Variants in NIPA1 observed in about 807,000 individuals in gnomAD.
NIPA1 encodes the protein NIPA magnesium transporter 1.
Under a neutral mutation model 23.9 loss-of-function variants are expected in NIPA1, and 13 were observed. The observed-to-expected ratio is 0.54, with a 90% CI of 0.35 to 0.87. NIPA1 has a LOEUF of 0.87. Ranked by LOEUF, NIPA1 falls within the 40% of genes least tolerant of loss-of-function variation. The probability of loss-of-function intolerance (pLI) is 0.01; values close to 1 mark genes in which losing one functional copy is unlikely to be tolerated. For synonymous variants in NIPA1, 234 were observed against 202.9 expected, an observed-to-expected ratio of 1.15 and a Z score of -1.30; for missense variants, 362 against 429.7, an observed-to-expected ratio of 0.84 and a Z score of 1.39.
chr15:22,812,233 C>T lies in NIPA1; in HGVS notation c.297C>T (p.Gly99=), dbSNP rs527692497. 3.8e-5 allele frequency: 62 copies of T among 1,613,282 alleles called. No individual in the cohort carries two copies. Among genetic ancestry groups the T allele is most frequent in the South Asian group, 8.8e-5 (8 of 91,060 alleles). The change falls in exon 3 of 5, where the codon GGC becomes GGT. Residue 99 remains glycine, a synonymous_variant. Transcript: ENST00000337435. ...CCACGGTCCTGGTAACCCCCCTGGG[C>T]GCCCTTGGAGTACCGTTCGGGTGAG... ...AVPTVLVTPL[G]ALGVPFGSIL...
chr15:22,792,759 G>T (rs912392813), intron 1 of NIPA1, among the ~76,000 whole-genome samples: 2 of 151,912 alleles, frequency 1.3e-5, no homozygotes, highest in Non-Finnish European at 2.9e-5. Flanking sequence ...TTTGAGACCA[G>T]CCTGGCCAGC....
At chr15:22,791,486 TTTTTTTTTTTTTTG>T (rs1894824917) in intron 1 of NIPA1, among the ~76,000 whole-genome samples, 2 of 123,598 alleles carry the variant, frequency 1.6e-5, no homozygotes, top group East Asian at 2.4e-4. Context: ...TTTTTTTTTT[TTTTTTTTTTTTTTG>T]TGAGACGGAG....
At chr15:22,822,063 C>T (rs574332799) in intron 4 of NIPA1, among the ~76,000 whole-genome samples, 27 of 152,230 alleles carry the variant, frequency 1.8e-4, no homozygotes, top group South Asian at 1.0e-3. Context: ...TATAGACTGA[C>T]GTGGGGGTGT....
intron 1 of NIPA1, among the ~76,000 whole-genome samples, chr15:22,796,429 G>C (rs1894939073): frequency 6.6e-6 from 1 of 151,806 alleles, no homozygotes; most frequent in Non-Finnish European, 1.5e-5. Context: ...AATATTTATA[G>C]TATAAATGTA....
chr15:22,823,897 C>G lies in NIPA1; in HGVS notation c.648C>G (p.Ile216Met). ...TKGIGLAAQD[I>M]LHNNPSSQRA... ...GCATCGGGCTGGCGGCCCAAGACATCTTGCATAACAACCCGTCCAGTCAGA... is the reference window on the plus strand; with the variant it reads ...GCATCGGGCTGGCGGCCCAAGACATGTTGCATAACAACCCGTCCAGTCAGA... Residue 216 changes from isoleucine (I) to methionine (M), a missense_variant, in exon 5 of 5, where the codon ATC becomes ATG. Around this residue, in one of 2 missense-constraint regions of NIPA1, gnomAD observed 277 missense variants for 372.0 expected, o/e 0.74. Coordinates refer to ENST00000337435, the MANE Select transcript of NIPA1 (RefSeq NM_144599.5). The G allele has an allele frequency of 1.2e-6, 2 of 1,614,230 alleles. No homozygotes were observed. The highest frequency in any genetic ancestry group is 1.7e-6 in the Non-Finnish European group (2 of 1,180,002).
At position 22,823,938 on chromosome 15, in the gene NIPA1, G is replaced by A; in HGVS notation, c.689G>A (p.Cys230Tyr). ...TCCAGTCAGAGAGCCCTCTGCCTGT[G>A]CCTGGTACTCCTGGCCGTGCTCGGC... ...NPSSQRALCL[C>Y]LVLLAVLGCS... The change falls in exon 5 of 5, where the codon TGC becomes TAC. Residue 230 changes from cysteine to tyrosine, a missense_variant. Cys to Tyr is a radical substitution (Grantham distance 194). Around this residue, in one of 2 missense-constraint regions of NIPA1, gnomAD observed 277 missense variants for 372.0 expected, o/e 0.74. Coordinates refer to ENST00000337435, the MANE Select transcript of NIPA1 (RefSeq NM_144599.5). 1.2e-6 allele frequency: 2 copies of A among 1,614,156 alleles called. No individual in the cohort carries two copies. The highest frequency in any genetic ancestry group is 1.7e-6 in the Non-Finnish European group (2 of 1,180,016).
At chr15:22,786,856 A>T (rs1180278951) in intron 1 of NIPA1, 22 bp downstream of exon 1, 1 of 232,876 alleles carries the variant, frequency 4.3e-6, no homozygotes, top group Non-Finnish European at 7.4e-6. Flanking sequence ...GGCAGGCGGC[A>T]GGCGGCGGGC....
chr15:22,808,570 G>A (rs1224182136), intron 1 of NIPA1, among the ~76,000 whole-genome samples: 1 of 152,046 alleles, frequency 6.6e-6, no homozygotes, highest in Non-Finnish European at 1.5e-5. Context: ...TAATTAATAA[G>A]AAAAACCCAT....
rs112162524 is a variant in NIPA1 at position 22,812,160 on chromosome 15, C to T, written c.227-3C>T. 1 of 1,609,856 alleles carries T rather than the reference C, an allele frequency of 6.2e-7. No individual in the cohort carries two copies. Among genetic ancestry groups the T allele is most frequent in the Non-Finnish European group, 8.5e-7 (1 of 1,176,778 alleles). ...AGTAGTATCCTTGTGATTTTCTTGA[C>T]AGTGGCTGTTGGCCAGATTGGAAAC... is the stretch of plus-strand genomic sequence containing the variant. On this transcript the variant is annotated splice_region_variant and splice_polypyrimidine_tract_variant and intron_variant, in intron 2 of 4. Transcript: ENST00000337435.
intron 1 of NIPA1, among the ~76,000 whole-genome samples, chr15:22,787,381 G>T (rs1455000235): frequency 6.6e-6 from 1 of 152,234 alleles, no homozygotes; most frequent in Non-Finnish European, 1.5e-5. Flanking sequence ...AGGAAGACCC[G>T]GGCGGGCTCT....
chr15:22,801,023 G>A (rs28575257), intron 1 of NIPA1, among the ~76,000 whole-genome samples: 7,202 of 150,828 alleles, frequency 0.048, 706 homozygotes, highest in East Asian at 0.44. Context: ...GCAGGGAGCC[G>A]AGATCATGCC....
At chr15:22,810,077 A>G (rs1895289797) in intron 1 of NIPA1, among the ~76,000 whole-genome samples, 2 of 151,838 alleles carry the variant, frequency 1.3e-5, no homozygotes, top group East Asian at 3.9e-4. Flanking sequence ...GCATTTTGCC[A>G]TATCTGAAGG....
chr15:22,791,500 G>GTT (rs879593367), intron 1 of NIPA1, among the ~76,000 whole-genome samples: 1 of 45,938 alleles, frequency 2.2e-5, no homozygotes, highest in African/African-American at 9.3e-5. Context: ...TTTTTTTTTT[G>GTT]TGAGACGGAG....
intron 1 of NIPA1, among the ~76,000 whole-genome samples, chr15:22,795,120 C>T (rs550508894): frequency 1.4e-4 from 22 of 152,188 alleles, no homozygotes; most frequent in African/African-American, 5.1e-4. Flanking sequence ...TTACTTACGT[C>T]CTACTAAGCA....
rs1895634954 is a variant in NIPA1 at position 22,825,609 on chromosome 15, A to G, written c.*1370A>G. ...ACTTGATAATAAGGCTAAGTGGGAG[A>G]GTACCTGTTCAATAGCTCATATATC... On this transcript the variant is annotated 3_prime_UTR_variant, in exon 5 of 5. Transcript: ENST00000337435. The G allele has an allele frequency of 6.6e-6, 1 of 152,210 alleles. No individual in the cohort carries two copies. The highest frequency in any genetic ancestry group is 2.4e-5 in the African/African-American group (1 of 41,426). 9.4% of individuals were successfully genotyped at this position (152,210 alleles called of 1,614,324 possible).
intron 1 of NIPA1, among the ~76,000 whole-genome samples, chr15:22,799,602 G>A (rs530379728): frequency 1.3e-5 from 2 of 152,142 alleles, no homozygotes; most frequent in South Asian, 2.1e-4. Flanking sequence ...CTAACACGGT[G>A]AAACCCCATC....
chr15:22,812,564 A>G (rs1895340873), intron 3 of NIPA1, among the ~76,000 whole-genome samples: 1 of 151,882 alleles, frequency 6.6e-6, no homozygotes. Context: ...GAGACACAAG[A>G]ATTGCTTGAA....
At chr15:22,793,950 G>A (rs1894888822) in intron 1 of NIPA1, among the ~76,000 whole-genome samples, 1 of 152,024 alleles carries the variant, frequency 6.6e-6, no homozygotes, top group Non-Finnish European at 1.5e-5. Flanking sequence ...CAAATGCCAG[G>A]CTATTTTGGT....
At chr15:22,808,065 A>T (rs1001782955) in intron 1 of NIPA1, among the ~76,000 whole-genome samples, 3 of 152,106 alleles carry the variant, frequency 2.0e-5, no homozygotes, top group Non-Finnish European at 4.4e-5. Context: ...CTGGGATTAC[A>T]GGCATGAGCC....
Sources: allele counts gnomAD v4.1 joint callset (sites outside exome capture counted in the v4.1 genomes callset), GRCh38; gene constraint gnomAD v4.1.1; regional missense constraint gnomAD v4.1.1; transcripts MANE v1.5; gene names NCBI Gene and HGNC (gene_info 2026-07-23, HGNC 2026-07-21).